Variants in ULK4 observed in about 807,000 individuals in gnomAD.
ULK4 encodes inactive serine/threonine-protein kinase ULK4.
ULK4 carries 133 observed loss-of-function variants against 160.6 expected under a neutral mutation model. That is an observed-to-expected ratio of 0.83 (90% confidence interval 0.72 to 0.96). ULK4 has a LOEUF of 0.96. Ranked by LOEUF, ULK4 falls within the 40% of genes least tolerant of loss-of-function variation. The probability of loss-of-function intolerance (pLI) is 0.00; values close to 1 mark genes in which losing one functional copy is unlikely to be tolerated. For missense variants in ULK4, 1,580 were observed against 1,499.5 expected, an observed-to-expected ratio of 1.05 and a Z score of -0.89; for synonymous variants, 534 against 539.8, an observed-to-expected ratio of 0.99 and a Z score of 0.15.
chr3:41,578,338 T>C (rs928697009), intron 31 of ULK4, among the ~76,000 whole-genome samples: 2 of 152,208 alleles, frequency 1.3e-5, no homozygotes, highest in Admixed American at 1.3e-4. Flanking sequence ...ATGATCATAT[T>C]TCTGTTCCCA....
At chr3:41,399,441 G>C (rs2082130982) in intron 34 of ULK4, among the ~76,000 whole-genome samples, 1 of 152,000 alleles carries the variant, frequency 6.6e-6, no homozygotes, top group South Asian at 2.1e-4. Context: ...TTTCCTTTCT[G>C]CAAGTTGTCT....
chr3:41,585,969 C>T (rs1349034371), intron 31 of ULK4, among the ~76,000 whole-genome samples: 1 of 152,096 alleles, frequency 6.6e-6, no homozygotes, highest in Admixed American at 6.5e-5. Flanking sequence ...TATCAGCTCA[C>T]ACCTATTAGG....
At chr3:41,854,508 G>A (rs2042289818) in intron 17 of ULK4, among the ~76,000 whole-genome samples, 1 of 152,190 alleles carries the variant, frequency 6.6e-6, no homozygotes, top group African/African-American at 2.4e-5. Context: ...GCAATGTGGT[G>A]ATCAGAATAT....
At chr3:41,905,305 C>T (rs1189377157) in intron 12 of ULK4, among the ~76,000 whole-genome samples, 1 of 150,984 alleles carries the variant, frequency 6.6e-6, no homozygotes, top group East Asian at 1.9e-4. Flanking sequence ...ATACCCCCTA[C>T]TTCATGCCAC....
rs2036843041 is a variant in ULK4 at position 41,705,437 on chromosome 3, C to T, written c.2635-132G>A. On this transcript the variant is annotated intron_variant, in intron 25 of 36. Transcript: ENST00000301831. ...CATAGACAGTATTAAATACTCTATA[C>T]ATATTATATTATTATAGTTACAAAA... 6 of 475,994 alleles carry T rather than the reference C, an allele frequency of 1.3e-5. No homozygotes were observed. The South Asian group carries it at 2.6e-4, about 21-fold the overall frequency. 29.5% of individuals were successfully genotyped at this position (475,994 alleles called of 1,614,324 possible). A position where few individuals can be genotyped will look rare whatever the true frequency, so the allele number is the denominator to read the frequency against.
chr3:41,377,525 A>G (rs1158715214), intron 35 of ULK4, among the ~76,000 whole-genome samples: 1 of 148,856 alleles, frequency 6.7e-6, no homozygotes, highest in African/African-American at 2.5e-5. Context: ...ACAAATTTAC[A>G]AGAAAAAAAC....
chr3:41,663,612 G>T lies in ULK4; in HGVS notation c.3066C>A (p.Phe1022Leu). 6.2e-7 allele frequency: 1 copy of T among 1,613,512 alleles called. No individual in the cohort carries two copies. Among genetic ancestry groups the T allele is most frequent in the Non-Finnish European group, 8.5e-7 (1 of 1,179,486 alleles). ...GAAATTTGAACTTCCAGTACCTTGTGAAAGTTGGGTTGTGTTCAGTCATCG... is the reference window on the plus strand; with the variant it reads ...GAAATTTGAACTTCCAGTACCTTGTTAAAGTTGGGTTGTGTTCAGTCATCG... ...LVAMTEHNPT[F>L]TRLVEESKLI... The change falls in exon 30 of 37, where the codon TTC becomes TTA. Residue 1022 changes from phenylalanine to leucine, a missense_variant. Phe to Leu is a conservative substitution (Grantham distance 22, BLOSUM62 0). Transcript: ENST00000301831.
At chr3:41,558,501 C>T (rs1165618273) in intron 32 of ULK4, among the ~76,000 whole-genome samples, 1 of 151,970 alleles carries the variant, frequency 6.6e-6, no homozygotes, top group East Asian at 1.9e-4. Flanking sequence ...GTCAGGAGTT[C>T]AAGACCAGCC....
At chr3:41,702,831 GTTTT>G (rs1233429177) in intron 27 of ULK4, among the ~76,000 whole-genome samples, 1 of 148,166 alleles carries the variant, frequency 6.7e-6, no homozygotes, top group African/African-American at 2.5e-5. Context: ...AAATTAGTAA[GTTTT>G]TTTTGTTTGT....
chr3:41,721,362 A>ATATATATATT (rs1553639902), intron 22 of ULK4, among the ~76,000 whole-genome samples: 10 of 27,960 alleles, frequency 3.6e-4, no homozygotes, highest in Non-Finnish European at 4.6e-4. Context: ...ATATATATAT[A>ATATATATATT]TTTTTTTTTT....
chr3:41,749,913 G>A (rs2038556392), intron 22 of ULK4, among the ~76,000 whole-genome samples: 2 of 152,124 alleles, frequency 1.3e-5, no homozygotes, highest in Admixed American at 1.3e-4. Context: ...AAAGTAAACA[G>A]GTATGCAGTA....
intron 31 of ULK4, among the ~76,000 whole-genome samples, chr3:41,608,128 T>G (rs2032477058): frequency 6.6e-6 from 1 of 152,244 alleles, no homozygotes. Flanking sequence ...TTTTCCAATT[T>G]GGTATCTCTA....
At chr3:41,302,516 T>C (rs941560615) in intron 35 of ULK4, among the ~76,000 whole-genome samples, 7 of 152,186 alleles carry the variant, frequency 4.6e-5, no homozygotes, top group Non-Finnish European at 7.3e-5. Flanking sequence ...ATTCTCTGAA[T>C]AATCAAATCT....
intron 21 of ULK4, among the ~76,000 whole-genome samples, chr3:41,785,621 G>A: frequency 6.6e-6 from 1 of 152,162 alleles, no homozygotes; most frequent in East Asian, 1.9e-4. Context: ...CTGTTCAACA[G>A]GAAGCAATTT....
At chr3:41,598,341 T>C (rs564236567) in intron 31 of ULK4, among the ~76,000 whole-genome samples, 2 of 152,308 alleles carry the variant, frequency 1.3e-5, no homozygotes, top group Non-Finnish European at 2.9e-5. Flanking sequence ...CTATCAAACA[T>C]TGTTTGGTGA....
chr3:41,542,461 C>T (rs1008379141), intron 32 of ULK4, among the ~76,000 whole-genome samples: 5 of 151,946 alleles, frequency 3.3e-5, no homozygotes, highest in Non-Finnish European at 7.4e-5. Flanking sequence ...CATCGATGTT[C>T]ATCTTTGGCC....
chr3:41,824,238 G>A (rs1214672012), intron 18 of ULK4, among the ~76,000 whole-genome samples: 2 of 151,554 alleles, frequency 1.3e-5, no homozygotes, highest in Non-Finnish European at 2.9e-5. Flanking sequence ...CCCAGCATGA[G>A]CGATGCAGAC....
chr3:41,628,489 T>C (rs1447607960), intron 30 of ULK4, among the ~76,000 whole-genome samples: 7 of 152,032 alleles, frequency 4.6e-5, no homozygotes, highest in Non-Finnish European at 7.4e-5. Context: ...ATGACCTCAA[T>C]CTAATCACGG....
chr3:41,318,790 G>A (rs1275481083), intron 35 of ULK4, among the ~76,000 whole-genome samples: 4 of 152,254 alleles, frequency 2.6e-5, no homozygotes, highest in East Asian at 1.9e-4. Flanking sequence ...GTGGTTGATC[G>A]ATATTCTGGA....
Sources: gnomAD v4.1 joint callset for allele counts (sites outside exome capture counted in the v4.1 genomes callset) on GRCh38, gnomAD v4.1.1 for gene constraint, MANE v1.5 for transcripts, NCBI Gene and HGNC (gene_info 2026-07-23, HGNC 2026-07-21) for gene names.